The following LMNB2 variants were observed in gnomAD, a reference collection of about 807,000 sequenced individuals.
The protein encoded by LMNB2 is lamin B2, also known as lamin-B2.
Under a neutral mutation model 69.3 loss-of-function variants are expected in LMNB2, and 17 were observed. The ratio of observed to expected loss-of-function variants is 0.25; its 90% CI spans 0.17 to 0.37. LMNB2 has a LOEUF of 0.37. Ranked by LOEUF, LMNB2 falls within the 10% of genes least tolerant of loss-of-function variation. The pLI, the probability that LMNB2 is intolerant of heterozygous loss-of-function variation, is 1.00. For missense variants in LMNB2, 789 were observed against 883.6 expected, an observed-to-expected ratio of 0.89 and a Z score of 1.36; for synonymous variants, 397 against 389.3, an observed-to-expected ratio of 1.02 and a Z score of -0.23.
chr19:2,431,864 G>T lies in LMNB2; in HGVS notation c.1629C>A (p.Pro543=), dbSNP rs149126950. ...TCTGGCCCTTCCACACCAGCGTCGAGGGGGGGCTGTGGGCCACCCCCGCAC... is the reference window on the plus strand; with the variant it reads ...TCTGGCCCTTCCACACCAGCGTCGATGGGGGGCTGTGGGCCACCCCCGCAC... ...AAGAGVAHSP[P]STLVWKGQSS... The change falls in exon 10 of 12, where the codon CCC becomes CCA. Residue 543 remains proline (P), a synonymous_variant. Coordinates refer to ENST00000325327, the MANE Select transcript of LMNB2 (RefSeq NM_032737.4). 1 of 1,612,890 alleles carries T rather than the reference G, an allele frequency of 6.2e-7. No homozygotes were observed. Among genetic ancestry groups the T allele is most frequent in the East Asian group, 2.2e-5 (1 of 44,866 alleles).
chr19:2,448,202 G>C (rs936674324), intron 1 of LMNB2, among the ~76,000 whole-genome samples: 1 of 152,200 alleles, frequency 6.6e-6, no homozygotes, highest in African/African-American at 2.4e-5. Flanking sequence ...TCAGGAAAAA[G>C]CGGCCAGCTC....
intron 2 of LMNB2, among the ~76,000 whole-genome samples, chr19:2,439,032 A>G (rs1412537482): frequency 7.9e-6 from 1 of 126,758 alleles, no homozygotes; most frequent in African/African-American, 3.3e-5. Context: ...GTAGGCACTT[A>G]AGCTTTTTTT....
chr19:2,448,591 T>TC (rs1222615685), intron 1 of LMNB2, among the ~76,000 whole-genome samples: 1 of 152,224 alleles, frequency 6.6e-6, no homozygotes, highest in Non-Finnish European at 1.5e-5. Context: ...CTCACCCCTG[T>TC]CATCCCAGCA....
rs1972057303 is a variant in LMNB2, at chr19:2,453,772, G to A, written c.264+2898C>T. 6.6e-6 allele frequency among the ~76,000 whole-genome samples: 1 copy of A among 152,132 alleles called. No homozygotes were observed. Among genetic ancestry groups the A allele is most frequent in the South Asian group, 2.1e-4 (1 of 4,830 alleles). On this transcript the variant is annotated intron_variant, in intron 1 of 11. Transcript: ENST00000325327. This position sits in a 1 kb window ranked among gnomAD's most constrained non-coding sequence, Gnocchi z 4.4. Reference sequence around the variant, plus strand: ...TGGGGCGTCCAGTGGGGCTGGGGCTGGTACCTCCCCAGCACTCACCAGGCC... The same window carrying A: ...TGGGGCGTCCAGTGGGGCTGGGGCTAGTACCTCCCCAGCACTCACCAGGCC...
At chr19:2,434,565 G>A in intron 6 of LMNB2, 50 bp from the exon 7 acceptor site, 1 of 1,582,030 alleles carries the variant, frequency 6.3e-7, no homozygotes, top group Non-Finnish European at 8.6e-7. Context: ...GGGTCACAAG[G>A]CCCAGGTGAT....
At chr19:2,435,505 C>G (rs1158317924) in intron 4 of LMNB2, among the ~76,000 whole-genome samples, 1 of 152,092 alleles carries the variant, frequency 6.6e-6, no homozygotes, top group Non-Finnish European at 1.5e-5. Flanking sequence ...CAGGACAGGC[C>G]CATCCACAGA....
chr19:2,431,702 A>G, intron 10 of LMNB2, 44 bp from the exon 11 acceptor site: 2 of 1,613,890 alleles, frequency 1.2e-6, no homozygotes, highest in Non-Finnish European at 8.5e-7. Flanking sequence ...GATCGGGCCC[A>G]GAGCTGCTGT....
intron 11 of LMNB2, 147 bp from the exon 12 acceptor site, chr19:2,431,099 T>A: frequency 1.4e-6 from 1 of 705,492 alleles, no homozygotes; most frequent in East Asian, 2.7e-5. Flanking sequence ...CACTTCCATG[T>A]CCCCATGAGC....
chr19:2,441,820 G>A (rs1338333652), intron 2 of LMNB2, among the ~76,000 whole-genome samples: 1 of 152,248 alleles, frequency 6.6e-6, no homozygotes, highest in Non-Finnish European at 1.5e-5. Flanking sequence ...CACCGCTGCT[G>A]AAAGAGCCTT....
intron 8 of LMNB2, among the ~76,000 whole-genome samples, chr19:2,433,073 C>T (rs1338257552): frequency 8.0e-6 from 1 of 124,780 alleles, no homozygotes; most frequent in African/African-American, 3.1e-5. Context: ...ACCCCCATGC[C>T]CCGGTCATTC....
At chr19:2,436,007 G>A (rs570569734) in intron 4 of LMNB2, among the ~76,000 whole-genome samples, 1 of 151,242 alleles carries the variant, frequency 6.6e-6, no homozygotes, top group Non-Finnish European at 1.5e-5. Flanking sequence ...AAATTAGGCC[G>A]GGCACAGTGG....
At chr19:2,442,599 T>C (rs901368659) in intron 2 of LMNB2, among the ~76,000 whole-genome samples, 3 of 151,620 alleles carry the variant, frequency 2.0e-5, no homozygotes, top group African/African-American at 7.3e-5. Flanking sequence ...TAAAAAAAAT[T>C]AGTTGGGTGT....
chr19:2,434,945 C>A (rs769490757), intron 5 of LMNB2, 32 bp from the exon 6 acceptor site: 18 of 1,578,928 alleles, frequency 1.1e-5, no homozygotes, highest in Non-Finnish European at 1.2e-5. Flanking sequence ...AGTGCGGGCG[C>A]GGGGCGGGGC....
intron 1 of LMNB2, among the ~76,000 whole-genome samples, chr19:2,452,460 G>A (rs895382975): frequency 6.6e-6 from 1 of 151,036 alleles, no homozygotes; most frequent in Admixed American, 6.6e-5. Flanking sequence ...AGGCATACTG[G>A]CTCACACCTG....
At position 2,429,815 on chromosome 19, in the gene LMNB2, G is replaced by A. The variant is rs1416714819; in HGVS notation, c.*1096C>T. Reference sequence around the variant, plus strand: ...AAAAAAATAACTTCTGTGTATCTATGAGGGAGGGTGTAAACGGTGAGCTAT... The same window carrying A: ...AAAAAAATAACTTCTGTGTATCTATAAGGGAGGGTGTAAACGGTGAGCTAT... On this transcript the variant is annotated 3_prime_UTR_variant, in exon 12 of 12. Transcript: ENST00000325327. 6.6e-6 allele frequency: 1 copy of A among 152,376 alleles called. No homozygotes were observed. Among genetic ancestry groups the A allele is most frequent in the South Asian group, 2.1e-4 (1 of 4,828 alleles). The allele number at this position is 152,376 out of a possible 1,614,324, so 9.4% of individuals were successfully genotyped here. A position where few individuals can be genotyped will look rare whatever the true frequency, so the allele number is the denominator to read the frequency against.
chr19:2,439,227 A>C (rs1374250613), intron 2 of LMNB2, among the ~76,000 whole-genome samples: 2 of 151,860 alleles, frequency 1.3e-5, no homozygotes, highest in Non-Finnish European at 2.9e-5. Context: ...CTTGGAGCTG[A>C]ATTTTACCCC....
rs62119879 is a variant in LMNB2 at position 2,453,888 on chromosome 19, C to A, written c.264+2782G>T. On this transcript the variant is annotated intron_variant, in intron 1 of 11. Transcript: ENST00000325327. The surrounding 1 kb of genome is among the most constrained non-coding windows in gnomAD (Gnocchi z 4.4). ...ACAAGAAACCAGCTCTAACCCTGCA[C>A]GCCACGGGTCCAGCAGGCGGCCTCT... Among the ~76,000 whole-genome samples, 23 of 152,246 alleles carry A rather than the reference C, an allele frequency of 1.5e-4. 2 individuals are homozygous for A. The South Asian group carries it at 4.6e-3, about 30-fold the overall frequency.
chr19:2,434,630 G>A, intron 6 of LMNB2, 115 bp from the exon 7 acceptor site: 1 of 1,495,738 alleles, frequency 6.7e-7, no homozygotes, highest in African/African-American at 1.4e-5. Context: ...GACCAGGCCT[G>A]GGCATGGGGC....
At chr19:2,436,539 G>A (rs1568203233) in intron 4 of LMNB2, among the ~76,000 whole-genome samples, 5 of 147,162 alleles carry the variant, frequency 3.4e-5, no homozygotes, top group Non-Finnish European at 4.5e-5. Context: ...CTCCACGGCC[G>A]CGCACCCGCC....
Sources: gnomAD v4.1 joint callset for allele counts (sites outside exome capture counted in the v4.1 genomes callset) on GRCh38, gnomAD v4.1.1 for gene constraint, Gnocchi (gnomAD v3.1) non-coding constraint, MANE v1.5 for transcripts, NCBI Gene and HGNC (gene_info 2026-07-23, HGNC 2026-07-21) for gene names.